ACSL6: variants seen among roughly 807,000 people sequenced by gnomAD.
The protein encoded by ACSL6 is acyl-CoA synthetase long chain family member 6, also known as long-chain-fatty-acid--CoA ligase 6.
Under a neutral mutation model 98.2 loss-of-function variants are expected in ACSL6, and 47 were observed. That is an observed-to-expected ratio of 0.48 (90% CI 0.38 to 0.61). ACSL6 has a LOEUF of 0.61. Among genes scored for constraint, ACSL6 ranks in the 20% least tolerant of loss-of-function variants. ACSL6 has a pLI of 0.00. For synonymous variants in ACSL6, 362 were observed against 336.9 expected, an observed-to-expected ratio of 1.07 and a Z score of -0.82; for missense variants, 761 against 913.4, an observed-to-expected ratio of 0.83 and a Z score of 2.15.
chr5:132,011,797 G>A (rs924032059), upstream of ACSL6: 1 of 1,412,292 alleles, frequency 7.1e-7, no homozygotes, highest in African/African-American at 1.5e-5. This position sits in a 1 kb window ranked among gnomAD's most constrained non-coding sequence, Gnocchi z 5.4. Flanking sequence ...GGCCGGCCGG[G>A]TCTGGGGCTT....
intron 20 of ACSL6, among the ~76,000 whole-genome samples, chr5:131,955,529 C>T (rs1752358795): frequency 6.6e-6 from 1 of 152,096 alleles, no homozygotes; most frequent in South Asian, 2.1e-4. Context: ...GCAGAGGCCA[C>T]TGCTGGGGAT....
At chr5:131,988,450 A>G (rs1754317268) in intron 6 of ACSL6, 3 of 1,468,618 alleles carry the variant, frequency 2.0e-6, no homozygotes, top group Non-Finnish European at 2.8e-6. Flanking sequence ...GCAGAGTCCA[A>G]GCTCCCCTTT....
intron 8 of ACSL6, among the ~76,000 whole-genome samples, chr5:131,985,832 C>T (rs1754148917): frequency 6.6e-6 from 1 of 152,186 alleles, no homozygotes; most frequent in South Asian, 2.1e-4. Flanking sequence ...GACCCAGTTC[C>T]CTCCCTCCTT....
intron 1 of ACSL6, among the ~76,000 whole-genome samples, chr5:132,007,189 C>T (rs1426758233): frequency 6.6e-6 from 1 of 152,154 alleles, no homozygotes; most frequent in Non-Finnish European, 1.5e-5. Flanking sequence ...CTTGGTCATC[C>T]ACATGCCCAG....
At chr5:131,972,889 G>A (rs760599343) in intron 12 of ACSL6, 31 bp from the exon 13 acceptor site, 1 of 1,613,922 alleles carries the variant, frequency 6.2e-7, no homozygotes, top group East Asian at 2.2e-5. Flanking sequence ...GCAGCTGTCA[G>A]AGCCTGAATG....
chr5:132,001,176 G>A (rs1292073055), intron 1 of ACSL6, among the ~76,000 whole-genome samples: 1 of 152,226 alleles, frequency 6.6e-6, no homozygotes, highest in Non-Finnish European at 1.5e-5. Context: ...AGCCTCTGGG[G>A]CAGGAAATCC....
At chr5:131,986,055 A>C (rs1163217292) in intron 8 of ACSL6, among the ~76,000 whole-genome samples, 1 of 152,240 alleles carries the variant, frequency 6.6e-6, no homozygotes, top group Non-Finnish European at 1.5e-5. Context: ...ATGGAAGCGC[A>C]AGCAAGATTT....
chr5:131,995,002 C>A (rs1754722528), intron 1 of ACSL6, among the ~76,000 whole-genome samples: 1 of 152,172 alleles, frequency 6.6e-6, no homozygotes, highest in Admixed American at 6.5e-5. Context: ...CAGGTGTTAA[C>A]CTGGTAGGAA....
At chr5:131,999,120 C>G (rs953205618) in intron 1 of ACSL6, among the ~76,000 whole-genome samples, 5 of 151,322 alleles carry the variant, frequency 3.3e-5, no homozygotes, top group African/African-American at 1.2e-4. Context: ...GCCCAGGGAC[C>G]CTAGCAAACG....
chr5:132,000,591 C>T (rs1302126312), intron 1 of ACSL6, among the ~76,000 whole-genome samples: 1 of 152,072 alleles, frequency 6.6e-6, no homozygotes, highest in African/African-American at 2.4e-5. Context: ...CAAGTATGAT[C>T]ACTGCGTATT....
At chr5:131,959,008 T>C (rs1752561638) in intron 20 of ACSL6, among the ~76,000 whole-genome samples, 1 of 151,970 alleles carries the variant, frequency 6.6e-6, no homozygotes, top group Non-Finnish European at 1.5e-5. Flanking sequence ...ATGAGCTCAA[T>C]TACAGTAAGA....
At chr5:131,991,956 C>G (rs539780977) in intron 2 of ACSL6, among the ~76,000 whole-genome samples, 1 of 152,328 alleles carries the variant, frequency 6.6e-6, no homozygotes, top group Non-Finnish European at 1.5e-5. Flanking sequence ...GCAAGAGAAG[C>G]TGGGACACAT....
chr5:131,963,653 C>T (rs143788754), intron 17 of ACSL6, among the ~76,000 whole-genome samples: 1 of 152,184 alleles, frequency 6.6e-6, no homozygotes, highest in East Asian at 1.9e-4. Flanking sequence ...GCTCACCTGT[C>T]CTTGCTCACA....
intron 1 of ACSL6, among the ~76,000 whole-genome samples, chr5:132,008,819 T>C (rs1462656165): frequency 1.3e-5 from 2 of 152,224 alleles, no homozygotes; most frequent in Non-Finnish European, 1.5e-5. Context: ...ATTGAACAGA[T>C]TAGACCCTGC....
intron 17 of ACSL6, among the ~76,000 whole-genome samples, chr5:131,963,274 G>A (rs1227210489): frequency 6.6e-6 from 1 of 152,148 alleles, no homozygotes; most frequent in Non-Finnish European, 1.5e-5. Flanking sequence ...TGGACAGGGA[G>A]TGCTGATGCC....
chr5:131,961,144 C>G (rs1328773833), intron 18 of ACSL6, among the ~76,000 whole-genome samples: 1 of 152,058 alleles, frequency 6.6e-6, no homozygotes, highest in Non-Finnish European at 1.5e-5. Context: ...CCCATCTCAA[C>G]CTCCCGAGTA....
chr5:131,985,287 G>C, intron 9 of ACSL6, 120 bp downstream of exon 9: 4 of 1,301,810 alleles, frequency 3.1e-6, no homozygotes, highest in Non-Finnish European at 4.3e-6. Flanking sequence ...TCTGGAGCCA[G>C]GAACAAGACA....
chr5:131,983,206 T>A (rs139131773), intron 9 of ACSL6: 2 of 152,156 alleles, frequency 1.3e-5, no homozygotes, highest in African/African-American at 4.8e-5. Flanking sequence ...TGGGAATGGG[T>A]TCAGATTCCA....
chr5:132,004,218 C>CT lies in ACSL6; in HGVS notation c.49+7286_49+7287insA, dbSNP rs1561812724. 7.0e-3 allele frequency among the ~76,000 whole-genome samples: 1,051 copies of CT among 151,210 alleles called. 14 individuals are homozygous for CT. The highest frequency in any genetic ancestry group is 0.023 in the African/African-American group (934 of 40,928). On this transcript the variant is annotated intron_variant, in intron 1 of 20. Coordinates refer to ENST00000651883, the MANE Select transcript of ACSL6 (RefSeq NM_001009185.3). The stretch of plus-strand genomic sequence containing the variant: ...CTCCATGCCAAGGTCAGGCTTCTAT[C>CT]CTTTTTTTTTTTTTTTGGCTGACTT...
Sources: allele counts gnomAD v4.1 joint callset (sites outside exome capture counted in the v4.1 genomes callset), GRCh38; gene constraint gnomAD v4.1.1; non-coding constraint Gnocchi (gnomAD v3.1); transcripts MANE v1.5; gene names NCBI Gene and HGNC (gene_info 2026-07-23, HGNC 2026-07-21).